DST: variants seen among roughly 807,000 people sequenced by gnomAD.
DST encodes the protein dystonin, also known as bullous pemphigoid antigen.
DST carries 253 observed loss-of-function variants against 875.2 expected under a neutral mutation model. The observed-to-expected ratio is 0.29, with a 90% CI of 0.26 to 0.32. DST has a LOEUF of 0.32. Among genes scored for constraint, DST ranks in the 10% least tolerant of loss-of-function variants. The pLI is 1.00. For missense variants in DST, 8,287 were observed against 9,111.6 expected, an observed-to-expected ratio of 0.91 and a Z score of 3.68; for synonymous variants, 3,124 against 3,197.1, an observed-to-expected ratio of 0.98 and a Z score of 0.77.
At chr6:56,722,116 C>CAA (rs753991419) in intron 5 of DST, among the ~76,000 whole-genome samples, 2 of 141,908 alleles carry the variant, frequency 1.4e-5, no homozygotes, top group Admixed American at 1.4e-4. Context: ...GGGACATTAA[C>CAA]AAAAAAAAAA....
At chr6:56,619,840 T>C (rs772010318) in intron 36 of DST, 2 of 1,614,204 alleles carry the variant, frequency 1.2e-6, no homozygotes, top group South Asian at 1.1e-5. Flanking sequence ...TTTCCTCAGA[T>C]GACGTTTTTT....
rs200830994 is a variant in DST at position 56,919,192 on chromosome 6, G to A, written c.217-18571C>T. 6.6e-5 allele frequency among the ~76,000 whole-genome samples: 10 copies of A among 152,034 alleles called. No individual in the cohort carries two copies. In the East Asian group the frequency reaches 1.9e-3, roughly 29 times the overall value. Reference sequence around the variant, plus strand: ...TTTCATTTTGTTGTACATAAGTTTAGAATTCTTTTATTCAAAACTGCCAAT... The same window carrying A: ...TTTCATTTTGTTGTACATAAGTTTAAAATTCTTTTATTCAAAACTGCCAAT... On this transcript the variant is annotated intron_variant, in intron 2 of 103. Transcript: ENST00000680361.
intron 9 of DST, among the ~76,000 whole-genome samples, chr6:56,698,614 C>A (rs147002872): frequency 6.6e-6 from 1 of 152,256 alleles, no homozygotes; most frequent in East Asian, 1.9e-4. Context: ...CGTGAGCCAC[C>A]GCGCCCAGCC....
At chr6:56,565,560 A>G (rs1326180667) in intron 55 of DST, among the ~76,000 whole-genome samples, 1 of 152,048 alleles carries the variant, frequency 6.6e-6, no homozygotes. Flanking sequence ...TACTACCTCA[A>G]TTTCAGAACT....
chr6:56,869,414 A>G (rs1384451000), intron 3 of DST, among the ~76,000 whole-genome samples: 1 of 152,218 alleles, frequency 6.6e-6, no homozygotes, highest in African/African-American at 2.4e-5. Context: ...AGGAGACAGA[A>G]GAGTAGGACG....
chr6:56,641,360 G>T (rs2152779387), intron 17 of DST, among the ~76,000 whole-genome samples: 1 of 152,304 alleles, frequency 6.6e-6, no homozygotes, highest in South Asian at 2.1e-4. Flanking sequence ...GCTGAGGCAG[G>T]TGGATCACTT....
chr6:56,938,102 CTCTCTCTATA>C (rs764925409), intron 2 of DST, among the ~76,000 whole-genome samples: 3,274 of 32,164 alleles, frequency 0.1, 60 homozygotes, highest in Middle Eastern at 0.19. Context: ...CTCTCTCTCT[CTCTCTCTATA>C]TATATATATA....
intron 4 of DST, among the ~76,000 whole-genome samples, chr6:56,751,851 G>A (rs1370667294): frequency 6.6e-6 from 1 of 152,150 alleles, no homozygotes; most frequent in Non-Finnish European, 1.5e-5. Context: ...AGAGAAGAGA[G>A]GAGGGTAGAA....
intron 4 of DST, among the ~76,000 whole-genome samples, chr6:56,805,038 C>A (rs1386544279): frequency 1.3e-5 from 2 of 151,662 alleles, no homozygotes; most frequent in African/African-American, 4.8e-5. Context: ...ATATATTCTA[C>A]AAATCATCAT....
chr6:56,463,106 G>C lies in DST; in HGVS notation c.23010C>G (p.Ser7670Arg). The C allele has an allele frequency of 6.2e-7, 1 of 1,613,708 alleles. No homozygotes were observed. Among genetic ancestry groups the C allele is most frequent in the Non-Finnish European group, 8.5e-7 (1 of 1,179,734 alleles). Residue 7670 changes from serine (S) to arginine (R), a missense_variant, in exon 102 of 104, where the codon AGC becomes AGG. Around this residue, in one of 10 missense-constraint regions of DST, gnomAD observed 240 missense variants for 237.3 expected, o/e 1.01. Transcript: ENST00000680361. The part of the protein sequence containing the change: ...RNYGKPWLTN[S>R]KMSTPCKAAE... Reference sequence around the variant, plus strand: ...CTGCTTTACAAGGAGTTGACATTTTGCTGTTTGTCAACCATGGTTTACCAT... The same window carrying C: ...CTGCTTTACAAGGAGTTGACATTTTCCTGTTTGTCAACCATGGTTTACCAT...
At chr6:56,628,595 GT>G (rs1368535984) in intron 32 of DST, among the ~76,000 whole-genome samples, 1 of 152,088 alleles carries the variant, frequency 6.6e-6, no homozygotes, top group Admixed American at 6.6e-5. Flanking sequence ...TTACATACCT[GT>G]CTCTATGATT....
At chr6:56,727,272 T>C (rs189035646) in intron 5 of DST, among the ~76,000 whole-genome samples, 27 of 152,334 alleles carry the variant, frequency 1.8e-4, no homozygotes, top group African/African-American at 6.3e-4. Context: ...TTACACATAT[T>C]GATCTATGTC....
At chr6:56,715,110 T>C (rs1437009806) in intron 5 of DST, among the ~76,000 whole-genome samples, 1 of 152,196 alleles carries the variant, frequency 6.6e-6, no homozygotes, top group African/African-American at 2.4e-5. Flanking sequence ...CACTTTGCAT[T>C]TGACCTTAGC....
intron 36 of DST, chr6:56,618,721 A>G: frequency 6.2e-7 from 1 of 1,613,910 alleles, no homozygotes; most frequent in Non-Finnish European, 8.5e-7. Context: ...TGCCTGAAAT[A>G]TCATTTTCAG....
In DST at chr6:56,494,034, C is replaced by T. The variant is rs774759950; in HGVS notation, c.20370G>A (p.Val6790=). ...CTTTCCTTTCATTGAGTTTGGTTTC[C>T]ACCGATTCCCATTTTTCTTTCAAGT... The part of the protein sequence containing the change: ...INNLKEKWES[V]ETKLNERKTK... The change falls in exon 83 of 104, where the codon GTG becomes GTA. Residue 6790 remains valine (V), a synonymous_variant. Transcript: ENST00000680361. 6 of 1,596,490 alleles carry T rather than the reference C, an allele frequency of 3.8e-6. No individual in the cohort carries two copies. The highest frequency in any genetic ancestry group is 5.1e-6 in the Non-Finnish European group (6 of 1,169,864).
intron 4 of DST, chr6:56,843,513 G>A: frequency 1.3e-5 from 13 of 985,650 alleles, no homozygotes; most frequent in Non-Finnish European, 1.6e-5. Flanking sequence ...GCGGGCGCCC[G>A]GACCCTCTGC....
chr6:56,565,779 C>G (rs1271876118), intron 55 of DST, among the ~76,000 whole-genome samples: 2 of 152,174 alleles, frequency 1.3e-5, no homozygotes, highest in Non-Finnish European at 2.9e-5. Flanking sequence ...ATGTTTAAGT[C>G]TGCTGAAGCT....
intron 87 of DST, among the ~76,000 whole-genome samples, chr6:56,485,936 C>T (rs904188346): frequency 6.6e-6 from 1 of 152,132 alleles, no homozygotes. Context: ...GCCCTGCCCC[C>T]GCCTTCAAAC....
At chr6:56,620,951 A>G (rs532316014) in intron 36 of DST, among the ~76,000 whole-genome samples, 1 of 152,314 alleles carries the variant, frequency 6.6e-6, no homozygotes, top group Non-Finnish European at 1.5e-5. Flanking sequence ...GCCCCTCAGG[A>G]ATAATTTTAT....
Sources: gnomAD v4.1 joint callset for allele counts (sites outside exome capture counted in the v4.1 genomes callset) on GRCh38, gnomAD v4.1.1 for gene constraint, gnomAD v4.1.1 regional missense constraint, MANE v1.5 for transcripts, NCBI Gene and HGNC (gene_info 2026-07-23, HGNC 2026-07-21) for gene names.